Variants in ELOVL5 observed in about 807,000 individuals in gnomAD.
ELOVL5 encodes the protein very long chain fatty acid elongase 5.
Under a neutral mutation model 38.6 loss-of-function variants are expected in ELOVL5, and 8 were observed. The observed-to-expected ratio is 0.21, with a 90% CI of 0.12 to 0.37. The LOEUF (loss-of-function observed/expected upper bound fraction) is 0.37, where lower values mean the gene tolerates loss of function less well. Among genes scored for constraint, ELOVL5 ranks in the 10% least tolerant of loss-of-function variants. ELOVL5 has a pLI of 1.00. For synonymous variants in ELOVL5, 127 were observed against 133.7 expected, an observed-to-expected ratio of 0.95 and a Z score of 0.34; for missense variants, 280 against 367.8, an observed-to-expected ratio of 0.76 and a Z score of 1.95.
intron 1 of ELOVL5, among the ~76,000 whole-genome samples, chr6:53,307,420 A>C (rs562253622): frequency 6.6e-5 from 10 of 152,294 alleles, no homozygotes; most frequent in Admixed American, 5.2e-4. Flanking sequence ...CATGTGATTA[A>C]ATGAGTTAAG....
In ELOVL5 at chr6:53,345,391, T is replaced by C. The variant is rs183551009; in HGVS notation, c.-9+3426A>G. Reference sequence around the variant, plus strand: ...ATTCAGGAATGCTAGGCCCTTAACATGGATAGCTCTGCCATAAAGCTTTCT... The same window carrying C: ...ATTCAGGAATGCTAGGCCCTTAACACGGATAGCTCTGCCATAAAGCTTTCT... On this transcript the variant is annotated intron_variant, in intron 1 of 7. Transcript: ENST00000304434. Among the ~76,000 whole-genome samples the C allele has an allele frequency of 1.7e-3, 257 of 152,314 alleles. 2 individuals are homozygous for C. The highest frequency in any genetic ancestry group is 5.9e-3 in the African/African-American group (247 of 41,554).
intron 1 of ELOVL5, among the ~76,000 whole-genome samples, chr6:53,303,134 C>G (rs973910961): frequency 1.3e-5 from 2 of 152,252 alleles, no homozygotes; most frequent in African/African-American, 4.8e-5. Context: ...AACCCTGATT[C>G]TAGAATTTAA....
intron 1 of ELOVL5, among the ~76,000 whole-genome samples, chr6:53,332,946 C>T (rs1016470878): frequency 1.3e-5 from 2 of 152,098 alleles, no homozygotes; most frequent in Non-Finnish European, 2.9e-5. Context: ...CTCCTTAAAG[C>T]GAAGACCTGG....
chr6:53,323,450 C>T (rs1226941640), intron 1 of ELOVL5, among the ~76,000 whole-genome samples: 1 of 152,182 alleles, frequency 6.6e-6, no homozygotes, highest in East Asian at 1.9e-4. Flanking sequence ...GTAAGGAGGC[C>T]TGCCTAGACA....
In ELOVL5 at chr6:53,277,781, T is replaced by C. The variant is rs114925450; in HGVS notation, c.247-1525A>G. 5.2e-4 allele frequency: 79 copies of C among 152,274 alleles called. 1 individual carries two copies. Among genetic ancestry groups the C allele is most frequent in the African/African-American group, 1.7e-3 (70 of 41,516 alleles). The allele number at this position is 152,274 out of a possible 1,614,324, so 9.4% of individuals were successfully genotyped here. On this transcript the variant is annotated intron_variant, in intron 3 of 7. Coordinates refer to ENST00000304434, the MANE Select transcript of ELOVL5 (RefSeq NM_021814.5). ...ACACAAAGTCTGAATCCAAAGTGCGTTGGAGGTCGGGGGAGGAAGCTGGCA... is the reference window on the plus strand; with the variant it reads ...ACACAAAGTCTGAATCCAAAGTGCGCTGGAGGTCGGGGGAGGAAGCTGGCA...
At position 53,336,739 on chromosome 6, in the gene ELOVL5, C is replaced by T. The variant is rs145399156; in HGVS notation, c.-9+12078G>A. On this transcript the variant is annotated intron_variant, in intron 1 of 7. Transcript: ENST00000304434. Reference sequence around the variant, plus strand: ...CCCTATTCCGTCCTTGGGAACAGTGCCACCAGACTGGTCTATCATTGGTAT... The same window carrying T: ...CCCTATTCCGTCCTTGGGAACAGTGTCACCAGACTGGTCTATCATTGGTAT... Among the ~76,000 whole-genome samples the T allele has an allele frequency of 3.8e-3, 584 of 152,272 alleles. 2 individuals carry two copies. The highest frequency in any genetic ancestry group is 0.012 in the African/African-American group (516 of 41,554).
chr6:53,298,374 A>G (rs567767647), intron 1 of ELOVL5, among the ~76,000 whole-genome samples: 1 of 150,838 alleles, frequency 6.6e-6, no homozygotes, highest in South Asian at 2.1e-4. Context: ...AATGGGTAAT[A>G]TTAACTTACT....
Position 53,291,793 on chromosome 6 carries a change from G to C in ELOVL5, c.229C>G (p.Leu77Val), listed in dbSNP as rs1766784129. ...VYNLGLTLLSLYMFCELVTGV... is the reference protein window; with the variant it reads ...VYNLGLTLLSVYMFCELVTGV... ...TGACTTACCTCACAGAACATATACA[G>C]AGACAGCAGTGTGAGTCCAAGGTTA... is the stretch of plus-strand genomic sequence containing the variant. The change falls in exon 3 of 8, where the codon CTG becomes GTG. Residue 77 changes from leucine (L) to valine (V), a missense_variant. By Grantham distance (32) the Leu-to-Val change is conservative. Coordinates refer to ENST00000304434, the MANE Select transcript of ELOVL5 (RefSeq NM_021814.5). 1 of 1,612,176 alleles carries C rather than the reference G, an allele frequency of 6.2e-7. No homozygotes were observed.
chr6:53,305,262 C>T (rs1476702973), intron 1 of ELOVL5, among the ~76,000 whole-genome samples: 1 of 146,924 alleles, frequency 6.8e-6, no homozygotes, highest in African/African-American at 2.5e-5. Flanking sequence ...CTCCTCACTT[C>T]CCAGTAGGGG....
chr6:53,334,738 G>C (rs1196948988), intron 1 of ELOVL5, among the ~76,000 whole-genome samples: 1 of 152,014 alleles, frequency 6.6e-6, no homozygotes, highest in East Asian at 1.9e-4. Context: ...ACCAAAAACT[G>C]AATCCATCAT....
At position 53,346,313 on chromosome 6, in the gene ELOVL5, A is replaced by G. The variant is rs139921947; in HGVS notation, c.-9+2504T>C. Among the ~76,000 whole-genome samples, 664 of 152,208 alleles carry G rather than the reference A, an allele frequency of 4.4e-3. 9 individuals are homozygous for G. The highest frequency in any genetic ancestry group is 0.015 in the African/African-American group (640 of 41,524). ...ATTTTCTTTATCCAGTCTATCATTG[A>G]TGGGCATTTGAGTTGGTTCCAAGTC... On this transcript the variant is annotated intron_variant, in intron 1 of 7. Transcript: ENST00000304434.
intron 1 of ELOVL5, among the ~76,000 whole-genome samples, chr6:53,304,073 C>T (rs1460618923): frequency 6.6e-6 from 1 of 152,238 alleles, no homozygotes; most frequent in African/African-American, 2.4e-5. Flanking sequence ...TGGGAACAAA[C>T]TCTGCAACTC....
chr6:53,279,087 C>A (rs1465080928), intron 3 of ELOVL5, among the ~76,000 whole-genome samples: 1 of 152,156 alleles, frequency 6.6e-6, no homozygotes, highest in Non-Finnish European at 1.5e-5. Context: ...CTAGCTTTTT[C>A]ACGTTTTGCT....
In ELOVL5 at chr6:53,326,031, T is replaced by C. The variant is rs114676036; in HGVS notation, c.-9+22786A>G. ...TAAGGACTTTGCAGGGTGGAAGGCC[T>C]AGGAGGCACAATGGTTGGTGGATAA... On this transcript the variant is annotated intron_variant, in intron 1 of 7. Transcript: ENST00000304434. Among the ~76,000 whole-genome samples, 659 of 152,268 alleles carry C rather than the reference T, an allele frequency of 4.3e-3. 8 individuals carry two copies. Among genetic ancestry groups the C allele is most frequent in the African/African-American group, 0.015 (636 of 41,558 alleles).
chr6:53,275,251 A>G lies in ELOVL5; in HGVS notation c.335T>C (p.Val112Ala). The change falls in exon 5 of 8, where the codon GTC becomes GCC. Residue 112 changes from valine (V) to alanine (A), a missense_variant. Val to Ala is a moderately conservative substitution (Grantham distance 64). Around this residue, in one of 3 missense-constraint regions of ELOVL5, gnomAD observed 150 missense variants for 178.0 expected, o/e 0.84. Transcript: ENST00000304434. ...TTTGGAGAAGTAGTACCACCAGAGGACACGGATAATCTAAGAGGAAAGGGT... is the reference window on the plus strand; with the variant it reads ...TTTGGAGAAGTAGTACCACCAGAGGGCACGGATAATCTAAGAGGAAAGGGT... ...AGESDMKIIR[V>A]LWWYYFSKLI... The G allele has an allele frequency of 6.2e-7, 1 of 1,614,146 alleles. No individual in the cohort carries two copies.
At chr6:53,292,048 TAA>T in intron 2 of ELOVL5, 85 bp from the exon 3 acceptor site, 1 of 813,934 alleles carries the variant, frequency 1.2e-6, no homozygotes, top group Non-Finnish European at 1.9e-6. Flanking sequence ...CATGATGATA[TAA>T]AAGTCACCTG....
intron 2 of ELOVL5, among the ~76,000 whole-genome samples, 188 bp downstream of exon 2, chr6:53,295,454 A>G (rs1164129187): frequency 6.6e-6 from 1 of 152,230 alleles, no homozygotes; most frequent in African/African-American, 2.4e-5. Context: ...GTTAAAGTCA[A>G]CGGAGGACCA....
chr6:53,347,810 G>C (rs1481945051), intron 1 of ELOVL5, among the ~76,000 whole-genome samples: 3 of 151,920 alleles, frequency 2.0e-5, no homozygotes. Flanking sequence ...ATTCACAATT[G>C]TGGATGGGGC....
At chr6:53,306,411 C>CA (rs1767580712) in intron 1 of ELOVL5, among the ~76,000 whole-genome samples, 1 of 145,648 alleles carries the variant, frequency 6.9e-6, no homozygotes, top group Non-Finnish European at 1.5e-5. Context: ...GGCAAACACA[C>CA]ACACCTCTTA....
Sources: allele counts gnomAD v4.1 joint callset (sites outside exome capture counted in the v4.1 genomes callset), GRCh38; gene constraint gnomAD v4.1.1; regional missense constraint gnomAD v4.1.1; transcripts MANE v1.5; gene names NCBI Gene and HGNC (gene_info 2026-07-23, HGNC 2026-07-21).